TRIO: variants seen among roughly 807,000 people sequenced by gnomAD.
The protein encoded by TRIO is trio Rho guanine nucleotide exchange factor, also known as triple functional domain protein.
In TRIO, 58 loss-of-function variants were observed where a neutral mutation model predicts 351.9. The ratio of observed to expected loss-of-function variants is 0.16; its 90% CI spans 0.13 to 0.21. The LOEUF (loss-of-function observed/expected upper bound fraction) is 0.21, where lower values mean the gene tolerates loss of function less well. TRIO is among the 10% of genes least tolerant of loss of function. TRIO has a pLI of 1.00. For synonymous variants in TRIO, 1,758 were observed against 1,595.7 expected (o/e 1.10, Z -2.42); for missense variants, 3,201 against 4,027.8 (o/e 0.79, Z 5.56).
chr5:14,460,329 T>C (rs749818056), intron 34 of TRIO, among the ~76,000 whole-genome samples: 1 of 152,200 alleles, frequency 6.6e-6, no homozygotes, highest in Non-Finnish European at 1.5e-5. Flanking sequence ...TGTGCCGCCG[T>C]GGCCTGGCCG....
At chr5:14,453,494 G>C (rs1753000293) in intron 34 of TRIO, among the ~76,000 whole-genome samples, 1 of 152,214 alleles carries the variant, frequency 6.6e-6, no homozygotes, top group Non-Finnish European at 1.5e-5. Context: ...AATGTAGTGA[G>C]TTCTGTGCTA....
chr5:14,369,539 C>G lies in TRIO; in HGVS notation c.3216+16C>G. On this transcript the variant is annotated intron_variant, in intron 18 of 56. Coordinates refer to ENST00000344204, the MANE Select transcript of TRIO (RefSeq NM_007118.4). ...ATTCCTGAAGGTAGGGGCAGCGCTGCGGGACAGTGCACCCATCAGAGGCTT... is the reference window on the plus strand; with the variant it reads ...ATTCCTGAAGGTAGGGGCAGCGCTGGGGGACAGTGCACCCATCAGAGGCTT... 1 of 1,609,404 alleles carries G rather than the reference C, an allele frequency of 6.2e-7. No homozygotes were observed. The highest frequency in any genetic ancestry group is 8.5e-7 in the Non-Finnish European group (1 of 1,177,860).
chr5:14,395,914 C>T (rs995531833), intron 28 of TRIO, among the ~76,000 whole-genome samples: 7 of 151,836 alleles, frequency 4.6e-5, no homozygotes, highest in East Asian at 3.9e-4. Flanking sequence ...GGCATGGTGG[C>T]GGGCGCCTGT....
At chr5:14,270,960 C>A in intron 2 of TRIO, 61 bp downstream of exon 2, 2 of 1,230,740 alleles carry the variant, frequency 1.6e-6, no homozygotes, top group Non-Finnish European at 2.4e-6. Flanking sequence ...CAGAGTCTGA[C>A]GTAATAAATG....
At chr5:14,226,523 C>CT (rs1793042469) in intron 1 of TRIO, among the ~76,000 whole-genome samples, 1 of 152,122 alleles carries the variant, frequency 6.6e-6, no homozygotes, top group East Asian at 1.9e-4. Context: ...TCTGAACATT[C>CT]TTTTTGAAAC....
intron 8 of TRIO, among the ~76,000 whole-genome samples, chr5:14,312,371 T>A (rs1739008300): frequency 1.3e-5 from 2 of 152,376 alleles, no homozygotes; most frequent in Admixed American, 1.3e-4. Flanking sequence ...CTTTAATTAC[T>A]TTTTCTGCTT....
intron 54 of TRIO, 95 bp from the exon 55 acceptor site, chr5:14,504,298 G>T: frequency 2.9e-6 from 4 of 1,392,802 alleles, no homozygotes; most frequent in Non-Finnish European, 4.0e-6. Flanking sequence ...ACAGGGCTGG[G>T]CCACCACACA....
chr5:14,313,063 T>C (rs1452414234), intron 8 of TRIO, among the ~76,000 whole-genome samples: 1 of 152,238 alleles, frequency 6.6e-6, no homozygotes, highest in Non-Finnish European at 1.5e-5. Context: ...GAAAGGTTTA[T>C]TGGCGAAATG....
At chr5:14,226,460 C>T (rs942950025) in intron 1 of TRIO, among the ~76,000 whole-genome samples, 9 of 152,032 alleles carry the variant, frequency 5.9e-5, no homozygotes, top group Non-Finnish European at 1.2e-4. Context: ...GGAGCGTGGA[C>T]GACAAACAGA....
intron 1 of TRIO, among the ~76,000 whole-genome samples, chr5:14,248,331 A>T (rs1467042749): frequency 4.0e-5 from 6 of 151,138 alleles, no homozygotes; most frequent in Non-Finnish European, 8.8e-5. Flanking sequence ...CTTATAGCAT[A>T]CCCTTCTGTT....
At chr5:14,269,501 C>T (rs946011968) in intron 1 of TRIO, among the ~76,000 whole-genome samples, 1 of 152,158 alleles carries the variant, frequency 6.6e-6, no homozygotes, top group African/African-American at 2.4e-5. Context: ...TAATCCTTAG[C>T]AGGGCTGCTT....
intron 3 of TRIO, among the ~76,000 whole-genome samples, chr5:14,282,129 A>G (rs910909038): frequency 2.6e-5 from 4 of 152,214 alleles, no homozygotes; most frequent in Non-Finnish European, 5.9e-5. Context: ...AGTGAGCCCT[A>G]CTTATCTGGA....
At chr5:14,238,550 G>A (rs1392037294) in intron 1 of TRIO, among the ~76,000 whole-genome samples, 5 of 152,208 alleles carry the variant, frequency 3.3e-5, no homozygotes, top group Admixed American at 2.0e-4. Context: ...TGGGACACCC[G>A]AGGAGATAAG....
intron 1 of TRIO, among the ~76,000 whole-genome samples, chr5:14,190,052 C>T (rs1790364525): frequency 1.1e-5 from 1 of 95,172 alleles, no homozygotes; most frequent in Admixed American, 1.0e-4. Flanking sequence ...CTGGCACAGA[C>T]AGTTGACCTT....
chr5:14,334,711 G>C (rs184967325), intron 10 of TRIO, among the ~76,000 whole-genome samples: 1 of 152,374 alleles, frequency 6.6e-6, no homozygotes, highest in African/African-American at 2.4e-5. Flanking sequence ...CCATGATAGA[G>C]ATGCAGACAC....
chr5:14,336,463 A>G, intron 10 of TRIO, 73 bp from the exon 11 acceptor site: 3 of 1,490,702 alleles, frequency 2.0e-6, no homozygotes, highest in Non-Finnish European at 1.8e-6. Flanking sequence ...GTGTTGCTAT[A>G]TATTATGGCG....
intron 1 of TRIO, among the ~76,000 whole-genome samples, chr5:14,200,952 C>G (rs760405106): frequency 8.6e-5 from 13 of 152,024 alleles, no homozygotes; most frequent in Admixed American, 2.6e-4. Context: ...TAAAAAATAA[C>G]AGTACATAAA....
chr5:14,230,453 C>T (rs1350518428), intron 1 of TRIO, among the ~76,000 whole-genome samples: 1 of 151,640 alleles, frequency 6.6e-6, no homozygotes, highest in Admixed American at 6.6e-5. Context: ...CCACAGATTT[C>T]CAAATATAAA....
intron 49 of TRIO, among the ~76,000 whole-genome samples, chr5:14,495,658 GAAA>G (rs56018324): frequency 0.077 from 2,450 of 32,026 alleles, 10 homozygotes; most frequent in Non-Finnish European, 0.12. Context: ...GTCTCTACTA[GAAA>G]AAAAAAAAAA....
Sources: gnomAD v4.1 joint callset for allele counts (sites outside exome capture counted in the v4.1 genomes callset) on GRCh38, gnomAD v4.1.1 for gene constraint, MANE v1.5 for transcripts, NCBI Gene and HGNC (gene_info 2026-07-23, HGNC 2026-07-21) for gene names.